PLEKHA6: variants seen among roughly 807,000 people sequenced by gnomAD.
PLEKHA6 encodes pleckstrin homology domain containing A6, also known as pleckstrin homology domain-containing family A member 6.
In PLEKHA6, 60 loss-of-function variants were observed where a neutral mutation model predicts 116.7. The ratio of observed to expected loss-of-function variants is 0.51; its 90% CI spans 0.42 to 0.64. The LOEUF (loss-of-function observed/expected upper bound fraction) is 0.64, where lower values mean the gene tolerates loss of function less well. Among genes scored for constraint, PLEKHA6 ranks in the 30% least tolerant of loss-of-function variants. The pLI is 0.00. For synonymous variants in PLEKHA6, 489 were observed against 556.1 expected, an observed-to-expected ratio of 0.88 and a Z score of 1.70; for missense variants, 1,338 against 1,422.7, an observed-to-expected ratio of 0.94 and a Z score of 0.96.
At chr1:204,224,368 C>T (rs922276058) in intron 21 of PLEKHA6, among the ~76,000 whole-genome samples, 2 of 151,864 alleles carry the variant, frequency 1.3e-5, no homozygotes, top group Non-Finnish European at 2.9e-5. Flanking sequence ...TCACTGTAGC[C>T]GCGAGGCAGG....
chr1:204,290,923 A>T (rs1669682383), intron 1 of PLEKHA6, among the ~76,000 whole-genome samples: 1 of 142,534 alleles, frequency 7.0e-6, no homozygotes, highest in Non-Finnish European at 1.5e-5. Context: ...CAGGAGGGGG[A>T]GGTTGCAGTG....
intron 1 of PLEKHA6, among the ~76,000 whole-genome samples, chr1:204,345,807 T>C (rs1673020982): frequency 6.6e-6 from 1 of 152,100 alleles, no homozygotes; most frequent in African/African-American, 2.4e-5. Flanking sequence ...CTCCTTTCTC[T>C]GCTGAGTCAC....
At chr1:204,232,263 C>T (rs149200297) in intron 17 of PLEKHA6, among the ~76,000 whole-genome samples, 26 of 152,228 alleles carry the variant, frequency 1.7e-4, no homozygotes, top group African/African-American at 6.3e-4. Context: ...GAAAATGATA[C>T]AGAAGATAAA....
chr1:204,302,075 A>G (rs571776933), intron 1 of PLEKHA6, among the ~76,000 whole-genome samples: 1 of 152,320 alleles, frequency 6.6e-6, no homozygotes, highest in East Asian at 1.9e-4. Context: ...TCTTGGAGTG[A>G]TAACATCTAC....
At chr1:204,285,419 CG>C (rs1343878674) in intron 1 of PLEKHA6, among the ~76,000 whole-genome samples, 1 of 129,624 alleles carries the variant, frequency 7.7e-6, no homozygotes, top group Admixed American at 8.1e-5. Context: ...CCATTGTTTT[CG>C]TTTTTTTGGG....
In PLEKHA6 at chr1:204,229,123, G is replaced by A. The variant is rs1279580422; in HGVS notation, c.2584-19C>T. The A allele has an allele frequency of 1.0e-5, 16 of 1,606,490 alleles. No homozygotes were observed. Among genetic ancestry groups the A allele is most frequent in the African/African-American group, 2.7e-5 (2 of 74,960 alleles). ...GGCGCACCTAGGGGACAGCAGCATC[G>A]TGATTGCACCATGGCTACCCATGCC... On this transcript the variant is annotated intron_variant, in intron 18 of 22. Coordinates refer to ENST00000272203, the MANE Select transcript of PLEKHA6 (RefSeq NM_014935.5).
At chr1:204,366,976 C>T (rs1447256915) in intron 3 of PLEKHA6, among the ~76,000 whole-genome samples, 1 of 152,196 alleles carries the variant, frequency 6.6e-6, no homozygotes, top group Non-Finnish European at 1.5e-5. Flanking sequence ...GGTGCCATTG[C>T]CCCAGGAGGC....
intron 1 of PLEKHA6, among the ~76,000 whole-genome samples, chr1:204,373,640 C>T (rs1484365427): frequency 6.6e-6 from 1 of 152,182 alleles, no homozygotes; most frequent in African/African-American, 2.4e-5. Flanking sequence ...TGTTGCTGAA[C>T]TTACGGGTTG....
rs1666050534 is a variant in PLEKHA6 at position 204,261,078 on chromosome 1, G to A, written c.524+228C>T. The stretch of plus-strand genomic sequence containing the variant: ...CCCAATGGAACCTGGCTTTTCTCTT[G>A]GCCTTCCCGAGCTCAGAGAGAAGAG... On this transcript the variant is annotated intron_variant, in intron 7 of 22. Transcript: ENST00000272203. The surrounding 1 kb of genome is among the most constrained non-coding windows in gnomAD (Gnocchi z 4.0). Among the ~76,000 whole-genome samples the A allele has an allele frequency of 6.6e-6, 1 of 152,122 alleles. No homozygotes were observed. The highest frequency in any genetic ancestry group is 2.4e-5 in the African/African-American group (1 of 41,416).
At chr1:204,253,022 T>G (rs1664773074) in intron 9 of PLEKHA6, among the ~76,000 whole-genome samples, 1 of 152,238 alleles carries the variant, frequency 6.6e-6, no homozygotes, top group African/African-American at 2.4e-5. Flanking sequence ...TCTAGGAGGA[T>G]TCTTGTGTGC....
intron 1 of PLEKHA6, chr1:204,307,930 G>C: frequency 1.0e-6 from 1 of 975,320 alleles, no homozygotes; most frequent in Non-Finnish European, 1.2e-6. Context: ...CTTAAGAGCA[G>C]AGATTTTGAG....
intron 1 of PLEKHA6, chr1:204,281,074 G>A (rs1475738160): frequency 3.8e-6 from 3 of 782,120 alleles, no homozygotes; most frequent in Non-Finnish European, 4.7e-6. Context: ...TGTAGTCCCA[G>A]CTACTCAGAG....
chr1:204,281,308 G>A (rs879279529), intron 1 of PLEKHA6, among the ~76,000 whole-genome samples: 2 of 152,108 alleles, frequency 1.3e-5, no homozygotes, highest in African/African-American at 4.8e-5. Context: ...GGCAGATCAC[G>A]AGGTCAGGAG....
intron 1 of PLEKHA6, chr1:204,275,790 A>G (rs2102918511): frequency 1.2e-6 from 1 of 824,614 alleles, no homozygotes; most frequent in Middle Eastern, 6.3e-4. Context: ...TGGAGATTCA[A>G]GCATTCAGCC....
intron 1 of PLEKHA6, among the ~76,000 whole-genome samples, chr1:204,300,963 A>T (rs1288251418): frequency 6.6e-6 from 1 of 152,242 alleles, no homozygotes; most frequent in Non-Finnish European, 1.5e-5. Flanking sequence ...TGACTTGAGC[A>T]TATTTAGCTG....
At chr1:204,371,053 C>CAAAAAAAAAAAAAAAAA (rs34493461) in intron 2 of PLEKHA6, among the ~76,000 whole-genome samples, 4 of 68,486 alleles carry the variant, frequency 5.8e-5, no homozygotes, top group African/African-American at 2.4e-4. Context: ...GACTCTGCCT[C>CAAAAAAAAAAAAAAAAA]AAAAAAAAAA....
intron 1 of PLEKHA6, among the ~76,000 whole-genome samples, chr1:204,337,000 G>A (rs1363965583): frequency 1.3e-5 from 2 of 152,246 alleles, no homozygotes; most frequent in African/African-American, 4.8e-5. Flanking sequence ...AGAAGAGCCT[G>A]AAGGCAAGGA....
At chr1:204,230,614 A>G (rs1188978552) in intron 17 of PLEKHA6, 28 bp from the exon 18 acceptor site, 1 of 1,571,462 alleles carries the variant, frequency 6.4e-7, no homozygotes, top group South Asian at 1.2e-5. Context: ...CAGGGCTCTG[A>G]CAAGTGCCTT....
chr1:204,244,637 C>T (rs1223198963), intron 15 of PLEKHA6, among the ~76,000 whole-genome samples: 1 of 152,182 alleles, frequency 6.6e-6, no homozygotes, highest in African/African-American at 2.4e-5. Flanking sequence ...ACAGGCTTCA[C>T]TGCAAGGGAG....
Sources: gnomAD v4.1 joint callset for allele counts (sites outside exome capture counted in the v4.1 genomes callset) on GRCh38, gnomAD v4.1.1 for gene constraint, Gnocchi (gnomAD v3.1) non-coding constraint, MANE v1.5 for transcripts, NCBI Gene and HGNC (gene_info 2026-07-23, HGNC 2026-07-21) for gene names.